Variants in ASB15 observed in about 807,000 individuals in gnomAD.
ASB15 encodes ankyrin repeat and SOCS box protein 15.
Under a neutral mutation model 58.0 loss-of-function variants are expected in ASB15, and 54 were observed. The observed-to-expected ratio is 0.93, with a 90% CI of 0.75 to 1.17. ASB15 has a LOEUF of 1.17. Among genes scored for constraint, ASB15 ranks in the 50% most tolerant of loss-of-function variants. The pLI is 0.00. For synonymous variants in ASB15, 249 were observed against 262.4 expected (o/e 0.95, Z 0.50); for missense variants, 680 against 707.4 (o/e 0.96, Z 0.44).
upstream of ASB15, among the ~76,000 whole-genome samples, chr7:123,599,883 A>G (rs949134392): frequency 6.6e-6 from 1 of 152,172 alleles, no homozygotes; most frequent in Non-Finnish European, 1.5e-5. Flanking sequence ...CCTGAAACTC[A>G]TTCTCACCAG....
At chr7:123,597,918 G>GTGTGTGTGTGTA (rs1491467079), upstream of ASB15, among the ~76,000 whole-genome samples, 1,961 of 13,618 alleles carry the variant, frequency 0.14, 26 homozygotes, top group Non-Finnish European at 0.16. Context: ...TTCAAACTTC[G>GTGTGTGTGTGTA]TGTGTGTGTG....
Position 123,624,713 on chromosome 7 carries a change from A to T in ASB15, c.596A>T (p.His199Leu). The change falls in exon 8 of 12, where the codon CAT becomes CTT. Residue 199 changes from histidine (H) to leucine (L), a missense_variant. His to Leu is a moderately conservative substitution (Grantham distance 99). Transcript: ENST00000451215. ...GATATCGTAGCTCTGCTGCTGAAAC[A>T]TGGAGGCAATGTCCACCTGAGAGAT... ...RKDIVALLLK[H>L]GGNVHLRDGF... 6.2e-7 allele frequency: 1 copy of T among 1,614,206 alleles called. No individual in the cohort carries two copies. Among genetic ancestry groups the T allele is most frequent in the Non-Finnish European group, 8.5e-7 (1 of 1,180,024 alleles).
Position 123,617,610 on chromosome 7 carries a change from C to T in ASB15, c.324C>T (p.Thr108=). Residue 108 remains threonine (T), a synonymous_variant, in exon 7 of 12, where the codon ACC becomes ACT. Transcript: ENST00000451215. ...ATAAGACACTCTGGGAATTCAAGAC[C>T]TGTGATGGAGAAACACCCTTGACTT... ...ASYKTLWEFK[T]CDGETPLTLA... 1 of 1,611,682 alleles carries T rather than the reference C, an allele frequency of 6.2e-7. No homozygotes were observed. Among genetic ancestry groups the T allele is most frequent in the Non-Finnish European group, 8.5e-7 (1 of 1,177,866 alleles).
rs372715484 is a variant in ASB15, at chr7:123,624,691, A to C, written c.574A>C (p.Ile192Leu). 52 of 1,614,098 alleles carry C rather than the reference A, an allele frequency of 3.2e-5. No individual in the cohort carries two copies. Among genetic ancestry groups the C allele is most frequent in the South Asian group, 1.6e-4 (15 of 91,082 alleles). The change falls in exon 8 of 12, where the codon ATC becomes CTC. Residue 192 changes from isoleucine (I) to leucine (L), a missense_variant. Ile to Leu is a conservative substitution (Grantham distance 5). Coordinates refer to ENST00000451215, the MANE Select transcript of ASB15 (RefSeq NM_001290258.2). Reference sequence around the variant, plus strand: ...AGCAGCCAAGCAAGGCCGAAAAGATATCGTAGCTCTGCTGCTGAAACATGG... The same window carrying C: ...AGCAGCCAAGCAAGGCCGAAAAGATCTCGTAGCTCTGCTGCTGAAACATGG... ...HEAAKQGRKD[I>L]VALLLKHGGN...
chr7:123,591,614 T>G (rs939595255), intron 1 of ASB15, among the ~76,000 whole-genome samples: 1 of 152,322 alleles, frequency 6.6e-6, no homozygotes. Flanking sequence ...TTGATTTGTG[T>G]ATAATGAACC....
At chr7:123,589,498 G>A (rs1799472239) in intron 1 of ASB15, among the ~76,000 whole-genome samples, 2 of 151,864 alleles carry the variant, frequency 1.3e-5, no homozygotes, top group Admixed American at 6.6e-5. Flanking sequence ...AGCCCCTGGT[G>A]TGTGATGTTC....
intron 7 of ASB15, among the ~76,000 whole-genome samples, chr7:123,623,654 A>T (rs1801480033): frequency 6.6e-6 from 1 of 152,072 alleles, no homozygotes; most frequent in African/African-American, 2.4e-5. Flanking sequence ...TCACGAGGTC[A>T]GGAGTTTGAG....
At chr7:123,604,783 G>C (rs1021233504) in intron 2 of ASB15, among the ~76,000 whole-genome samples, 1 of 151,954 alleles carries the variant, frequency 6.6e-6, no homozygotes, top group East Asian at 1.9e-4. Flanking sequence ...ATAAAATGGG[G>C]GTGTCAGGGT....
intron 3 of ASB15, among the ~76,000 whole-genome samples, chr7:123,609,603 T>C (rs553763111): frequency 6.6e-6 from 1 of 151,998 alleles, no homozygotes; most frequent in South Asian, 2.1e-4. Flanking sequence ...CAAGACAGAG[T>C]GTGAGGGTAG....
intron 1 of ASB15, among the ~76,000 whole-genome samples, chr7:123,570,029 CTTTTTTTTTTT>C (rs5887142): frequency 1.1e-5 from 1 of 88,176 alleles, no homozygotes; most frequent in African/African-American, 4.5e-5. Context: ...ACTGCCATAG[CTTTTTTTTTTT>C]TTTTTTTTTT....
At chr7:123,587,308 T>G (rs1041294609) in intron 1 of ASB15, among the ~76,000 whole-genome samples, 2 of 151,688 alleles carry the variant, frequency 1.3e-5, no homozygotes, top group African/African-American at 4.8e-5. Flanking sequence ...TTGTAGCTAT[T>G]GTATATGGGA....
chr7:123,574,859 T>A (rs949674260), intron 1 of ASB15, among the ~76,000 whole-genome samples: 2 of 152,130 alleles, frequency 1.3e-5, no homozygotes, highest in Admixed American at 1.3e-4. Flanking sequence ...CTCTTTTTAT[T>A]TTTTCTATTT....
intron 4 of ASB15, chr7:123,615,558 G>C (rs1458873599): frequency 6.6e-6 from 1 of 152,122 alleles, no homozygotes; most frequent in African/African-American, 2.4e-5. Flanking sequence ...ATTTGTTATG[G>C]AATTCCTTCT....
chr7:123,612,722 T>C (rs895353636), intron 3 of ASB15, among the ~76,000 whole-genome samples: 5 of 152,170 alleles, frequency 3.3e-5, no homozygotes, highest in African/African-American at 1.2e-4. Context: ...CCAAAGGAAA[T>C]GGTCAGTTCT....
upstream of ASB15, among the ~76,000 whole-genome samples, chr7:123,597,343 G>A (rs981179448): frequency 1.3e-5 from 2 of 152,162 alleles, no homozygotes; most frequent in Non-Finnish European, 1.5e-5. Flanking sequence ...TTTATTTAAT[G>A]ATGGCTGCAA....
chr7:123,594,231 C>T (rs551904870), intron 1 of ASB15, among the ~76,000 whole-genome samples: 3 of 152,234 alleles, frequency 2.0e-5, no homozygotes, highest in African/African-American at 7.2e-5. Context: ...GAACATGCTT[C>T]TTTAGCTCAG....
chr7:123,616,254 T>C lies in ASB15; in HGVS notation c.141T>C (p.Leu47=). The change falls in exon 5 of 12, where the codon CTT becomes CTC. Residue 47 remains leucine, a synonymous_variant. Coordinates refer to ENST00000451215, the MANE Select transcript of ASB15 (RefSeq NM_001290258.2). ...FVPLSAQNRK[L]VEAIKQGHIP... is the part of the protein sequence containing the mutation. ...CCCTAAGTGCTCAAAACAGAAAACT[T>C]GTGGAGGCCATAAAACAAGGTAAAT... The C allele has an allele frequency of 1.9e-6, 3 of 1,609,210 alleles. No individual in the cohort carries two copies. The highest frequency in any genetic ancestry group is 2.6e-6 in the Non-Finnish European group (3 of 1,175,716).
intron 1 of ASB15, among the ~76,000 whole-genome samples, chr7:123,589,183 C>A (rs1032194937): frequency 6.6e-6 from 1 of 151,740 alleles, no homozygotes; most frequent in African/African-American, 2.4e-5. Context: ...CCCTTCAGAA[C>A]TCTTAATATT....
intron 1 of ASB15, among the ~76,000 whole-genome samples, chr7:123,571,154 T>C (rs886765071): frequency 3.3e-5 from 5 of 152,190 alleles, no homozygotes; most frequent in Admixed American, 3.3e-4. Context: ...ACAAATACAA[T>C]TGAGAAGCAC....
Sources: allele counts gnomAD v4.1 joint callset (sites outside exome capture counted in the v4.1 genomes callset), GRCh38; gene constraint gnomAD v4.1.1; transcripts MANE v1.5; gene names NCBI Gene and HGNC (gene_info 2026-07-23, HGNC 2026-07-21).